The following THSD7A variants were observed in gnomAD, a reference collection of about 807,000 sequenced individuals.
The protein encoded by THSD7A is thrombospondin type-1 domain-containing protein 7A.
THSD7A carries 96 observed loss-of-function variants against 231.3 expected under a neutral mutation model. The observed-to-expected ratio is 0.41, with a 90% confidence interval of 0.35 to 0.49. THSD7A has a LOEUF of 0.49. THSD7A is among the 20% of genes least tolerant of loss of function. The pLI is 0.05. For missense variants in THSD7A, 2,290 were observed against 2,070.2 expected (o/e 1.11, Z -2.06); for synonymous variants, 940 against 743.3 (o/e 1.26, Z -4.30).
chr7:11,676,597 A>G (rs1460330165), intron 1 of THSD7A, among the ~76,000 whole-genome samples: 1 of 152,208 alleles, frequency 6.6e-6, no homozygotes, highest in East Asian at 1.9e-4. Flanking sequence ...GATGAAAAAC[A>G]TAGCACGAGA....
At chr7:11,797,022 C>T (rs1784144086) in intron 1 of THSD7A, among the ~76,000 whole-genome samples, 1 of 152,006 alleles carries the variant, frequency 6.6e-6, no homozygotes, top group African/African-American at 2.4e-5. Flanking sequence ...TAAAAGCAGA[C>T]AACTAATAGA....
chr7:11,767,565 TTAATA>T (rs1783067221), intron 1 of THSD7A, among the ~76,000 whole-genome samples: 1 of 152,218 alleles, frequency 6.6e-6, no homozygotes, highest in South Asian at 2.1e-4. Flanking sequence ...CACATGATTT[TTAATA>T]TAACTTTCAA....
chr7:11,637,481 T>A lies in THSD7A; in HGVS notation c.191-520A>T, dbSNP rs559517765. 1.3e-5 allele frequency among the ~76,000 whole-genome samples: 2 copies of A among 152,320 alleles called. No individual in the cohort carries two copies. Among genetic ancestry groups the A allele is most frequent in the African/African-American group, 2.4e-5 (1 of 41,580 alleles). On this transcript the variant is annotated intron_variant, in intron 1 of 27. Coordinates refer to ENST00000423059, the MANE Select transcript of THSD7A (RefSeq NM_015204.3). This position sits in a 1 kb window ranked among gnomAD's most constrained non-coding sequence, Gnocchi z 4.2. ...TATGACTGCAAGGGTCTAATAGTTG[T>A]ATATCATGTGTGCCACTAGAGCTTA...
intron 23 of THSD7A, among the ~76,000 whole-genome samples, chr7:11,396,351 T>A (rs957906128): frequency 6.6e-6 from 1 of 152,158 alleles, no homozygotes; most frequent in Admixed American, 6.5e-5. Context: ...AGGAGCTGTT[T>A]TTTTGAAAAG....
intron 1 of THSD7A, among the ~76,000 whole-genome samples, chr7:11,655,202 G>A (rs1436117043): frequency 1.3e-5 from 2 of 151,652 alleles, no homozygotes; most frequent in Admixed American, 6.6e-5. Context: ...GTGCTTCTGG[G>A]TTCCATAAAT....
At chr7:11,539,211 T>A (rs191010889) in intron 6 of THSD7A, among the ~76,000 whole-genome samples, 12 of 152,154 alleles carry the variant, frequency 7.9e-5, no homozygotes, top group Admixed American at 2.6e-4. Context: ...TAGTTACAAG[T>A]CTCCAGCTTT....
chr7:11,815,424 G>A (rs760862587), intron 1 of THSD7A, among the ~76,000 whole-genome samples: 7 of 151,748 alleles, frequency 4.6e-5, no homozygotes, highest in Non-Finnish European at 8.8e-5. Context: ...TCCCTTTCAC[G>A]GAACTCATCA....
intron 4 of THSD7A, among the ~76,000 whole-genome samples, chr7:11,558,265 A>G (rs1454664063): frequency 1.3e-5 from 2 of 152,242 alleles, no homozygotes; most frequent in East Asian, 3.9e-4. Flanking sequence ...TCCAGGGAAT[A>G]TTTTTTAATT....
At position 11,657,601 on chromosome 7, in the gene THSD7A, A is replaced by T. The variant is rs548127376; in HGVS notation, c.191-20640T>A. Reference sequence around the variant, plus strand: ...TAGGTTCAAGAGGATTTCTCACATTATCTGTCCCAAATGTTTTGACACATA... The same window carrying T: ...TAGGTTCAAGAGGATTTCTCACATTTTCTGTCCCAAATGTTTTGACACATA... On this transcript the variant is annotated intron_variant, in intron 1 of 27. Coordinates refer to ENST00000423059, the MANE Select transcript of THSD7A (RefSeq NM_015204.3). Among the ~76,000 whole-genome samples the T allele has an allele frequency of 2.0e-5, 3 of 151,822 alleles. No individual in the cohort carries two copies. In the South Asian group the frequency reaches 6.2e-4, roughly 31 times the overall value.
Position 11,814,450 on chromosome 7 carries a change from C to T in THSD7A, c.190+17307G>A, listed in dbSNP as rs909394216. On this transcript the variant is annotated intron_variant, in intron 1 of 27. Transcript: ENST00000423059. This position sits in a 1 kb window ranked among gnomAD's most constrained non-coding sequence, Gnocchi z 5.1. ...TACTCAAAATAATTTAGCTTTTAGACGATGCTATCAGGGTAGAAAATTACC... is the reference window on the plus strand; with the variant it reads ...TACTCAAAATAATTTAGCTTTTAGATGATGCTATCAGGGTAGAAAATTACC... Among the ~76,000 whole-genome samples the T allele has an allele frequency of 4.6e-5, 7 of 152,018 alleles. No homozygotes were observed. The highest frequency in any genetic ancestry group is 7.4e-5 in the Non-Finnish European group (5 of 68,010).
rs370962886 is a variant in THSD7A at position 11,382,587 on chromosome 7, C to A, written c.4441G>T (p.Ala1481Ser). The change falls in exon 24 of 28, where the codon GCC (alanine) becomes TCC (serine). Residue 1481 changes from alanine (A) to serine (S), a missense_variant. Transcript: ENST00000423059. The stretch of plus-strand genomic sequence containing the variant: ...CGGGAAGAGCCCTTCCAAGCACTGG[C>A]CATCCATTTATATTCATAGCACTGT... The part of the protein sequence containing the change: ...DGQCYEYKWM[A>S]SAWKGSSRTV... 1 of 1,612,674 alleles carries A rather than the reference C, an allele frequency of 6.2e-7. No homozygotes were observed. Among genetic ancestry groups the A allele is most frequent in the African/African-American group, 1.3e-5 (1 of 74,860 alleles).
intron 9 of THSD7A, among the ~76,000 whole-genome samples, chr7:11,467,108 C>A (rs1232321509): frequency 6.6e-6 from 1 of 152,106 alleles, no homozygotes; most frequent in African/African-American, 2.4e-5. Context: ...AAGTTTCCTT[C>A]ACATCTTGGG....
intron 1 of THSD7A, among the ~76,000 whole-genome samples, chr7:11,640,866 T>C (rs1782053202): frequency 6.6e-6 from 1 of 152,098 alleles, no homozygotes; most frequent in South Asian, 2.1e-4. Flanking sequence ...TCCCACTTTA[T>C]AAAAAATAAA....
At chr7:11,515,805 G>A (rs1270150099) in intron 6 of THSD7A, among the ~76,000 whole-genome samples, 1 of 152,040 alleles carries the variant, frequency 6.6e-6, no homozygotes, top group Non-Finnish European at 1.5e-5. Context: ...TAATATCTTG[G>A]TTGTATCTTA....
chr7:11,822,733 T>C (rs1023585946), intron 1 of THSD7A, among the ~76,000 whole-genome samples: 2 of 152,088 alleles, frequency 1.3e-5, no homozygotes, highest in African/African-American at 4.8e-5. Context: ...CTTTTAAAAA[T>C]GTCTATTCAT....
In THSD7A at chr7:11,636,691, TG is replaced by T. The variant is rs774438631; in HGVS notation, c.460del (p.Gln154ArgfsTer2). ...CTGGATGCACGCTATCTCCCTCACCTGAATACCTTCTTCCCCCTTAATGCAC... is the reference window on the plus strand; with the variant it reads ...CTGGATGCACGCTATCTCCCTCACCTAATACCTTCTTCCCCCTTAATGCAC... ...LECIKGEEGIQVREIACIQKD... is the reference protein window; with the variant it reads ...LECIKGEEGIXVREIACIQKD... On this transcript the variant is annotated frameshift_variant, in exon 2 of 28. Transcript: ENST00000423059. LOFTEE classifies it high-confidence loss of function. This position sits in a 1 kb window ranked among gnomAD's most constrained non-coding sequence, Gnocchi z 10.0. 6.2e-7 allele frequency: 1 copy of T among 1,614,028 alleles called. No homozygotes were observed. The highest frequency in any genetic ancestry group is 1.1e-5 in the South Asian group (1 of 91,086).
In THSD7A at chr7:11,590,612, T is replaced by C. The variant is rs1354655504; in HGVS notation, c.1301A>G (p.Glu434Gly). Residue 434 changes from glutamate (E) to glycine (G), a missense_variant, in exon 4 of 28, where the codon GAG (glutamate) becomes GGG (glycine). Glu to Gly is a moderately conservative substitution (Grantham distance 98). Transcript: ENST00000423059. The surrounding 1 kb of genome is among the most constrained non-coding windows in gnomAD (Gnocchi z 4.4). ...ACTGAGCAAAGGGTCCACACGGCACTCAGTCCACTCTGTAGTTCTCCAGCC... is the reference window on the plus strand; with the variant it reads ...ACTGAGCAAAGGGTCCACACGGCACCCAGTCCACTCTGTAGTTCTCCAGCC... ...TYGWRTTEWTECRVDPLLSQQ... is the reference protein window; with the variant it reads ...TYGWRTTEWTGCRVDPLLSQQ... 5.0e-6 allele frequency: 8 copies of C among 1,612,720 alleles called. No individual in the cohort carries two copies. The highest frequency in any genetic ancestry group is 5.9e-6 in the Non-Finnish European group (7 of 1,179,358).
chr7:11,611,303 T>C (rs1484383944), intron 2 of THSD7A, among the ~76,000 whole-genome samples: 1 of 152,072 alleles, frequency 6.6e-6, no homozygotes, highest in Non-Finnish European at 1.5e-5. Context: ...TTTACATATA[T>C]GGATTTTCAT....
At chr7:11,536,296 C>T (rs573544966) in intron 6 of THSD7A, among the ~76,000 whole-genome samples, 1 of 152,158 alleles carries the variant, frequency 6.6e-6, no homozygotes, top group Non-Finnish European at 1.5e-5. Flanking sequence ...TTCCTTACCA[C>T]ATAATTGGAT....
Sources: allele counts gnomAD v4.1 joint callset (sites outside exome capture counted in the v4.1 genomes callset), GRCh38; gene constraint gnomAD v4.1.1; non-coding constraint Gnocchi (gnomAD v3.1); transcripts MANE v1.5; gene names NCBI Gene and HGNC (gene_info 2026-07-23, HGNC 2026-07-21).